STAB2: variants seen among roughly 807,000 people sequenced by gnomAD.
STAB2 encodes the protein stabilin 2.
In STAB2, 288 loss-of-function variants were observed where a neutral mutation model predicts 338.1. That is an observed-to-expected ratio of 0.85 (90% CI 0.77 to 0.94). The LOEUF (loss-of-function observed/expected upper bound fraction) is 0.94. Ranked by LOEUF, STAB2 falls within the 40% of genes least tolerant of loss-of-function variation. The pLI, the probability that STAB2 is intolerant of heterozygous loss-of-function variation, is 0.00. For synonymous variants in STAB2, 1,202 were observed against 1,193.3 expected, an observed-to-expected ratio of 1.01 and a Z score of -0.15; for missense variants, 3,141 against 3,210.1, an observed-to-expected ratio of 0.98 and a Z score of 0.52.
At chr12:103,651,314 A>ATTTT (rs10669870) in intron 11 of STAB2, among the ~76,000 whole-genome samples, 10 of 132,692 alleles carry the variant, frequency 7.5e-5, no homozygotes, top group African/African-American at 1.4e-4. Flanking sequence ...CCTGATCTTG[A>ATTTT]TTTTTTTTTT....
intron 9 of STAB2, among the ~76,000 whole-genome samples, chr12:103,641,721 T>A (rs1872940356): frequency 6.6e-6 from 1 of 152,142 alleles, no homozygotes; most frequent in Non-Finnish European, 1.5e-5. Flanking sequence ...AATGAGAATA[T>A]CAGAATAATA....
At position 103,749,034 on chromosome 12, in the gene STAB2, G is replaced by A. The variant is rs1159146141; in HGVS notation, c.6316G>A (p.Val2106Ile). Residue 2106 changes from valine (V) to isoleucine (I), a missense_variant, in exon 59 of 69, where the codon GTC (valine) becomes ATC (isoleucine). Physicochemically the swap from Val to Ile is conservative, Grantham distance 29 (BLOSUM62 3). Coordinates refer to ENST00000388887, the MANE Select transcript of STAB2 (RefSeq NM_017564.10). Reference protein sequence around the residue: ...VARCSQKGTKVSCSCQKGYKG... With the variant: ...VARCSQKGTKISCSCQKGYKG... ...CAGATGCTCCCAGAAGGGCACGAAG[G>A]TCTCCTGCAGCTGCCAGAAGGGATA... 1 of 1,613,990 alleles carries A rather than the reference G, an allele frequency of 6.2e-7. No individual in the cohort carries two copies. The highest frequency in any genetic ancestry group is 8.5e-7 in the Non-Finnish European group (1 of 1,180,032).
At chr12:103,590,186 T>G (rs977138884) in intron 1 of STAB2, among the ~76,000 whole-genome samples, 7 of 152,220 alleles carry the variant, frequency 4.6e-5, no homozygotes, top group African/African-American at 1.7e-4. Flanking sequence ...AGTAGTTACA[T>G]ATCCACCACC....
intron 31 of STAB2, 119 bp downstream of exon 31, chr12:103,693,008 T>G: frequency 1.5e-6 from 1 of 650,368 alleles, no homozygotes; most frequent in Non-Finnish European, 2.6e-6. Flanking sequence ...AAGTAACCGG[T>G]ACTGTGCCTC....
intron 8 of STAB2, among the ~76,000 whole-genome samples, chr12:103,639,524 G>A (rs531185050): frequency 1.6e-4 from 25 of 152,012 alleles, no homozygotes; most frequent in Middle Eastern, 3.4e-3. Flanking sequence ...GCAACATAGC[G>A]AAACCTCGTC....
chr12:103,706,167 T>C (rs1212680524), intron 37 of STAB2, among the ~76,000 whole-genome samples: 1 of 152,246 alleles, frequency 6.6e-6, no homozygotes, highest in East Asian at 1.9e-4. Context: ...CTTCCTGTGC[T>C]GCTCCTTTCC....
intron 44 of STAB2, among the ~76,000 whole-genome samples, chr12:103,720,909 G>A (rs561654355): frequency 2.0e-5 from 3 of 152,312 alleles, no homozygotes; most frequent in Admixed American, 6.5e-5. Context: ...GGACAACTGA[G>A]TTCCCTTGGG....
At chr12:103,646,235 C>T (rs1306056628) in intron 9 of STAB2, among the ~76,000 whole-genome samples, 1 of 152,178 alleles carries the variant, frequency 6.6e-6, no homozygotes, top group African/African-American at 2.4e-5. Context: ...ATTACTTTCT[C>T]CTAGAAGCTG....
chr12:103,710,578 G>T (rs146544317), intron 39 of STAB2, among the ~76,000 whole-genome samples: 1 of 152,178 alleles, frequency 6.6e-6, no homozygotes, highest in South Asian at 2.1e-4. Context: ...TGGCTCAAAG[G>T]TTTAGAGCAG....
chr12:103,669,967 A>T (rs1379780167), intron 21 of STAB2, among the ~76,000 whole-genome samples: 2 of 152,202 alleles, frequency 1.3e-5, no homozygotes, highest in Non-Finnish European at 2.9e-5. Context: ...CTAAGATTTT[A>T]TGATAGTTAA....
chr12:103,718,335 C>T (rs1033555645), intron 44 of STAB2, among the ~76,000 whole-genome samples: 1 of 151,548 alleles, frequency 6.6e-6, no homozygotes, highest in African/African-American at 2.4e-5. Context: ...ATTCTACTCT[C>T]ACCCCACAAC....
intron 34 of STAB2, among the ~76,000 whole-genome samples, chr12:103,702,771 A>G (rs990298315): frequency 6.6e-6 from 1 of 152,238 alleles, no homozygotes; most frequent in African/African-American, 2.4e-5. Flanking sequence ...GAGCAAGTCC[A>G]TGGAGCCGTC....
intron 9 of STAB2, among the ~76,000 whole-genome samples, chr12:103,645,297 TA>T (rs1873247842): frequency 6.6e-6 from 1 of 152,220 alleles, no homozygotes; most frequent in Non-Finnish European, 1.5e-5. Context: ...ACTGGTCTCA[TA>T]ACGTCTCAGA....
chr12:103,718,092 C>A (rs188573503), intron 44 of STAB2, among the ~76,000 whole-genome samples: 115 of 152,292 alleles, frequency 7.6e-4, no homozygotes, highest in African/African-American at 2.6e-3. Flanking sequence ...ACTTGCTTAT[C>A]CCCTATCCAT....
At chr12:103,664,338 G>T (rs537110134) in intron 18 of STAB2, among the ~76,000 whole-genome samples, 2 of 152,088 alleles carry the variant, frequency 1.3e-5, no homozygotes, top group African/African-American at 4.8e-5. Context: ...TAGAGACGGG[G>T]TTTCACTGTG....
At chr12:103,608,126 T>G (rs1957061876) in intron 3 of STAB2, among the ~76,000 whole-genome samples, 1 of 152,216 alleles carries the variant, frequency 6.6e-6, no homozygotes. Flanking sequence ...TTTGCATTTC[T>G]CTGATGGCCA....
rs1272654067 is a variant in STAB2 at position 103,708,338 on chromosome 12, T to TAGG, written c.4193-102_4193-100dup. The TAGG allele has an allele frequency of 2.7e-6, 3 of 1,122,758 alleles. No individual in the cohort carries two copies. In the African/African-American group the frequency reaches 4.6e-5, roughly 17 times the overall value. The allele number at this position is 1,122,758 out of a possible 1,614,324, so 69.5% of individuals were successfully genotyped here. A position where few individuals can be genotyped will look rare whatever the true frequency, so the allele number is the denominator to read the frequency against. On this transcript the variant is annotated intron_variant, in intron 38 of 68. Transcript: ENST00000388887. ...TGTTAAAGACTATGATTCCTAGAAG[T>TAGG]AGGTTGGAGAATTAAGTGCAATAAA...
At chr12:103,660,633 C>T (rs1440535029) in intron 16 of STAB2, 50 bp from the exon 17 acceptor site, 1 of 1,587,910 alleles carries the variant, frequency 6.3e-7, no homozygotes. Context: ...AACTCAGGGC[C>T]CTGCGTGTGG....
intron 15 of STAB2, among the ~76,000 whole-genome samples, chr12:103,658,534 C>G (rs1341357348): frequency 1.3e-5 from 2 of 152,140 alleles, no homozygotes; most frequent in Non-Finnish European, 2.9e-5. Flanking sequence ...AGTGGATTAT[C>G]TCATTGCTAA....
Sources: allele counts gnomAD v4.1 joint callset (sites outside exome capture counted in the v4.1 genomes callset), GRCh38; gene constraint gnomAD v4.1.1; transcripts MANE v1.5; gene names NCBI Gene and HGNC (gene_info 2026-07-23, HGNC 2026-07-21).